The following GPC5 variants were observed in gnomAD, a reference collection of about 807,000 sequenced individuals.
GPC5 encodes the protein glypican-5.
In GPC5, 47 loss-of-function variants were observed where a neutral mutation model predicts 53.9. The observed-to-expected ratio is 0.87, with a 90% confidence interval of 0.69 to 1.11. The LOEUF (loss-of-function observed/expected upper bound fraction) is 1.11, where lower values mean the gene tolerates loss of function less well. Ranked by LOEUF, GPC5 falls within the 50% of genes most tolerant of loss-of-function variation. The pLI, the probability that GPC5 is intolerant of heterozygous loss-of-function variation, is 0.00. For synonymous variants in GPC5, 286 were observed against 263.3 expected, an observed-to-expected ratio of 1.09 and a Z score of -0.84; for missense variants, 748 against 713.1, an observed-to-expected ratio of 1.05 and a Z score of -0.56.
intron 2 of GPC5, among the ~76,000 whole-genome samples, chr13:91,485,213 C>CTT (rs3052562): frequency 1.3e-4 from 19 of 141,276 alleles, no homozygotes; most frequent in African/African-American, 4.5e-4. Flanking sequence ...ATCTTGGTCC[C>CTT]TTTTTTTTTT....
rs142470001 is a variant in GPC5 at position 91,663,554 on chromosome 13, C to T, written c.326-29633C>T. Reference sequence around the variant, plus strand: ...CTCACTGTAACTTCATATTCCTAGGCTCAAGTGATCCCCCTGCCTCAGCCT... The same window carrying T: ...CTCACTGTAACTTCATATTCCTAGGTTCAAGTGATCCCCCTGCCTCAGCCT... On this transcript the variant is annotated intron_variant, in intron 2 of 7. Coordinates refer to ENST00000377067, the MANE Select transcript of GPC5 (RefSeq NM_004466.6). Among the ~76,000 whole-genome samples, 115 of 152,234 alleles carry T rather than the reference C, an allele frequency of 7.6e-4. 1 individual carries two copies. The highest frequency in any genetic ancestry group is 2.6e-3 in the African/African-American group (109 of 41,540).
chr13:92,420,543 G>A (rs1039076812), intron 7 of GPC5, among the ~76,000 whole-genome samples: 8 of 151,174 alleles, frequency 5.3e-5, no homozygotes, highest in Non-Finnish European at 7.4e-5. Context: ...AATTATTATT[G>A]ACTATAGTCA....
chr13:92,731,952 C>A (rs1888817779), intron 7 of GPC5, among the ~76,000 whole-genome samples: 1 of 151,218 alleles, frequency 6.6e-6, no homozygotes, highest in African/African-American at 2.4e-5. Flanking sequence ...CGGGGTGATT[C>A]CATGGGATTG....
chr13:92,476,447 G>A (rs1275823812), intron 7 of GPC5, among the ~76,000 whole-genome samples: 1 of 151,134 alleles, frequency 6.6e-6, no homozygotes, highest in Non-Finnish European at 1.5e-5. Context: ...CTGTTGGTGG[G>A]ACTGTAAACT....
intron 7 of GPC5, among the ~76,000 whole-genome samples, chr13:92,501,980 T>C (rs1880198896): frequency 1.3e-5 from 2 of 151,996 alleles, no homozygotes; most frequent in Non-Finnish European, 1.5e-5. Flanking sequence ...AAAAAGATAC[T>C]AGAAAGAAAC....
intron 7 of GPC5, among the ~76,000 whole-genome samples, chr13:92,798,497 A>G (rs1876784924): frequency 6.6e-6 from 1 of 151,894 alleles, no homozygotes; most frequent in South Asian, 2.1e-4. Flanking sequence ...TGAGAAAGGA[A>G]AATTATTCAG....
intron 7 of GPC5, among the ~76,000 whole-genome samples, chr13:92,301,118 C>A (rs1261139299): frequency 6.6e-6 from 1 of 152,134 alleles, no homozygotes; most frequent in Non-Finnish European, 1.5e-5. Flanking sequence ...AAATTATCTG[C>A]AAATGAAACC....
intron 7 of GPC5, among the ~76,000 whole-genome samples, chr13:92,382,927 C>T (rs1469479082): frequency 6.8e-6 from 1 of 147,124 alleles, no homozygotes; most frequent in East Asian, 2.0e-4. Flanking sequence ...AGCGCGAACC[C>T]GGGAGGCGGA....
At position 92,807,018 on chromosome 13, in the gene GPC5, T is replaced by C. The variant is rs117706760; in HGVS notation, c.1562-59264T>C. Among the ~76,000 whole-genome samples, 188 of 152,230 alleles carry C rather than the reference T, an allele frequency of 1.2e-3. 6 individuals are homozygous for C. In the East Asian group the frequency reaches 0.033, roughly 27 times the overall value. The stretch of plus-strand genomic sequence containing the variant: ...TAAAGTGCAGTGCAATAAAATGTAC[T>C]ACATTTTGTCCAGTCTCAGTCTCCT... On this transcript the variant is annotated intron_variant, in intron 7 of 7. Transcript: ENST00000377067.
At chr13:91,441,883 A>T (rs902070471) in intron 1 of GPC5, among the ~76,000 whole-genome samples, 8 of 152,206 alleles carry the variant, frequency 5.3e-5, no homozygotes, top group Non-Finnish European at 1.0e-4. Context: ...TTGGTATTTC[A>T]TAACATGTAA....
chr13:91,615,948 G>A lies in GPC5; in HGVS notation c.326-77239G>A, dbSNP rs187590759. ...TATTTTAAGACAGAATGGCTAGTCT[G>A]AGAATCAGATTTACCATTAAGATTT... is the stretch of plus-strand genomic sequence containing the variant. On this transcript the variant is annotated intron_variant, in intron 2 of 7. Coordinates refer to ENST00000377067, the MANE Select transcript of GPC5 (RefSeq NM_004466.6). Among the ~76,000 whole-genome samples, 392 of 152,156 alleles carry A rather than the reference G, an allele frequency of 2.6e-3. 1 individual carries two copies. The highest frequency in any genetic ancestry group is 3.6e-3 in the Non-Finnish European group (247 of 67,984).
chr13:92,089,779 T>C (rs1020273159), intron 6 of GPC5, among the ~76,000 whole-genome samples: 1 of 152,186 alleles, frequency 6.6e-6, no homozygotes, highest in Non-Finnish European at 1.5e-5. Context: ...GATCTTCCAT[T>C]AATTATTCAG....
intron 2 of GPC5, among the ~76,000 whole-genome samples, chr13:91,588,484 G>A (rs1288080185): frequency 6.6e-6 from 1 of 152,088 alleles, no homozygotes; most frequent in Non-Finnish European, 1.5e-5. Context: ...GAGAGAGTTG[G>A]AGGATTAGAG....
chr13:92,068,599 T>C (rs1290152302), intron 6 of GPC5, among the ~76,000 whole-genome samples: 1 of 151,514 alleles, frequency 6.6e-6, no homozygotes, highest in Non-Finnish European at 1.5e-5. Context: ...ATTATAATAT[T>C]TTTGTAAGAT....
intron 7 of GPC5, among the ~76,000 whole-genome samples, chr13:92,781,554 C>T (rs1349815095): frequency 6.6e-6 from 1 of 152,000 alleles, no homozygotes; most frequent in African/African-American, 2.4e-5. Context: ...GCCTCTAGTT[C>T]ATATATATAA....
intron 7 of GPC5, among the ~76,000 whole-genome samples, chr13:92,613,628 A>G (rs1238809695): frequency 7.4e-6 from 1 of 135,012 alleles, no homozygotes. Context: ...TTTATTTATT[A>G]TATTTTATAA....
chr13:92,128,064 C>T (rs1252859979), intron 6 of GPC5, among the ~76,000 whole-genome samples: 1 of 152,128 alleles, frequency 6.6e-6, no homozygotes, highest in Non-Finnish European at 1.5e-5. Context: ...ATCTTCCTCT[C>T]CTTTGATATT....
chr13:91,415,656 G>A (rs2138961073), intron 1 of GPC5, among the ~76,000 whole-genome samples: 1 of 139,522 alleles, frequency 7.2e-6, no homozygotes, highest in Admixed American at 8.2e-5. Flanking sequence ...TCAGCTTTGT[G>A]AATTTAGAGA....
chr13:91,937,760 G>A (rs1228732228), intron 6 of GPC5, among the ~76,000 whole-genome samples: 3 of 152,102 alleles, frequency 2.0e-5, no homozygotes, highest in South Asian at 4.1e-4. Context: ...GCAAATATAA[G>A]TGGAAGCTAG....
Sources: allele counts gnomAD v4.1 joint callset (sites outside exome capture counted in the v4.1 genomes callset), GRCh38; gene constraint gnomAD v4.1.1; transcripts MANE v1.5; gene names NCBI Gene and HGNC (gene_info 2026-07-23, HGNC 2026-07-21).